The following CSMD1 variants were observed in gnomAD, a reference collection of about 807,000 sequenced individuals.
The protein encoded by CSMD1 is CUB and sushi domain-containing protein 1.
In CSMD1, 213 loss-of-function variants were observed where a neutral mutation model predicts 417.5. The observed-to-expected ratio is 0.51, with a 90% CI of 0.46 to 0.57. CSMD1 has a LOEUF of 0.57. Ranked by LOEUF, CSMD1 falls within the 20% of genes least tolerant of loss-of-function variation. CSMD1 has a pLI of 0.00. For synonymous variants in CSMD1, 2,862 were observed against 1,736.8 expected (o/e 1.65, Z -16.11); for missense variants, 6,923 against 4,529.7 (o/e 1.53, Z -15.17).
intron 1 of CSMD1, among the ~76,000 whole-genome samples, chr8:4,990,868 C>T (rs1425365493): frequency 1.3e-5 from 2 of 152,086 alleles, no homozygotes; most frequent in Non-Finnish European, 2.9e-5. Flanking sequence ...TGGGAGGGCG[C>T]ACCTCTCTCG....
chr8:4,125,032 C>T (rs1488804477), intron 3 of CSMD1, among the ~76,000 whole-genome samples: 1 of 152,018 alleles, frequency 6.6e-6, no homozygotes. Context: ...TCTTGGGGTC[C>T]GCACGTTTCT....
chr8:4,106,075 G>A (rs1191555896), intron 3 of CSMD1, among the ~76,000 whole-genome samples: 1 of 152,220 alleles, frequency 6.6e-6, no homozygotes, highest in African/African-American at 2.4e-5. Context: ...AGGAGAAAGA[G>A]CTATGTAGAG....
intron 5 of CSMD1, among the ~76,000 whole-genome samples, chr8:3,858,960 A>G (rs1214830809): frequency 1.3e-5 from 2 of 152,222 alleles, no homozygotes; most frequent in Non-Finnish European, 2.9e-5. Context: ...AAGCAGAATT[A>G]AAGTATAACG....
intron 3 of CSMD1, among the ~76,000 whole-genome samples, chr8:4,378,934 A>T (rs1802924567): frequency 6.6e-6 from 1 of 152,196 alleles, no homozygotes; most frequent in Non-Finnish European, 1.5e-5. Flanking sequence ...TGGAATTGTG[A>T]TAAATTCCTA....
At chr8:4,218,756 C>T (rs1361133088) in intron 3 of CSMD1, among the ~76,000 whole-genome samples, 1 of 152,188 alleles carries the variant, frequency 6.6e-6, no homozygotes, top group Non-Finnish European at 1.5e-5. Flanking sequence ...CTGTTTTCAT[C>T]AGTCTCTTGA....
intron 5 of CSMD1, among the ~76,000 whole-genome samples, chr8:3,834,617 C>T (rs1258950795): frequency 3.3e-5 from 5 of 152,122 alleles, no homozygotes; most frequent in Admixed American, 3.3e-4. Flanking sequence ...TAATACGTTT[C>T]AGAGAGTTCT....
intron 55 of CSMD1, among the ~76,000 whole-genome samples, chr8:2,976,025 A>C (rs190338786): frequency 6.6e-6 from 1 of 152,336 alleles, no homozygotes; most frequent in Non-Finnish European, 1.5e-5. Context: ...CCATGTGTGA[A>C]AGCAAGGAAG....
intron 5 of CSMD1, among the ~76,000 whole-genome samples, chr8:3,943,869 G>T (rs181502410): frequency 6.6e-6 from 1 of 152,096 alleles, no homozygotes; most frequent in Non-Finnish European, 1.5e-5. Context: ...TTAGGGAAAC[G>T]AAAGAGACAT....
intron 50 of CSMD1, among the ~76,000 whole-genome samples, chr8:3,033,238 A>T (rs1213267419): frequency 2.0e-5 from 3 of 152,106 alleles, no homozygotes; most frequent in Non-Finnish European, 2.9e-5. Context: ...TTTGATTTAG[A>T]TGCAAATTTC....
chr8:3,817,681 C>T (rs1358675725), intron 5 of CSMD1, among the ~76,000 whole-genome samples: 1 of 152,118 alleles, frequency 6.6e-6, no homozygotes. Flanking sequence ...TTTAATGGAA[C>T]TTTCCACTTC....
intron 3 of CSMD1, among the ~76,000 whole-genome samples, chr8:4,175,895 A>G (rs1262659416): frequency 2.0e-5 from 3 of 152,166 alleles, no homozygotes; most frequent in Non-Finnish European, 4.4e-5. Context: ...GTTGATTTCT[A>G]GTCCTAATTA....
At chr8:4,528,678 C>T (rs771320064) in intron 2 of CSMD1, among the ~76,000 whole-genome samples, 1 of 152,104 alleles carries the variant, frequency 6.6e-6, no homozygotes, top group African/African-American at 2.4e-5. Flanking sequence ...GTACACCCCA[C>T]AAACTCTCCA....
intron 3 of CSMD1, among the ~76,000 whole-genome samples, chr8:4,282,578 T>C (rs192534142): frequency 1.3e-5 from 2 of 152,356 alleles, no homozygotes; most frequent in Non-Finnish European, 2.9e-5. Context: ...TTATCTTAAA[T>C]GAATTGATCT....
chr8:4,665,729 T>C (rs1003222045), intron 1 of CSMD1, among the ~76,000 whole-genome samples: 8 of 152,242 alleles, frequency 5.3e-5, no homozygotes, highest in Admixed American at 5.2e-4. Context: ...TGCTCTATGG[T>C]ATGAATATTA....
intron 5 of CSMD1, among the ~76,000 whole-genome samples, chr8:3,755,264 G>A (rs570539726): frequency 6.6e-6 from 1 of 152,226 alleles, no homozygotes; most frequent in South Asian, 2.1e-4. Flanking sequence ...AACATAGGTG[G>A]ATCATGTTTA....
chr8:3,723,142 C>G (rs1244390425), intron 6 of CSMD1, among the ~76,000 whole-genome samples: 1 of 152,096 alleles, frequency 6.6e-6, no homozygotes, highest in Non-Finnish European at 1.5e-5. Flanking sequence ...GGTTCTAGGA[C>G]TGAGGTTCCC....
chr8:3,990,313 GA>G (rs1814648022), intron 5 of CSMD1, among the ~76,000 whole-genome samples: 1 of 152,132 alleles, frequency 6.6e-6, no homozygotes, highest in East Asian at 1.9e-4. Flanking sequence ...TCAATAAAAT[GA>G]GGTTAATTTG....
At chr8:3,978,348 G>T (rs926251140) in intron 5 of CSMD1, among the ~76,000 whole-genome samples, 1 of 152,070 alleles carries the variant, frequency 6.6e-6, no homozygotes, top group Non-Finnish European at 1.5e-5. Context: ...TTTTTGGTAA[G>T]CACATATAAT....
intron 2 of CSMD1, among the ~76,000 whole-genome samples, chr8:4,528,531 G>C (rs1563258956): frequency 6.6e-6 from 1 of 152,148 alleles, no homozygotes; most frequent in South Asian, 2.1e-4. Flanking sequence ...ATACTTTGCT[G>C]TGTACTTACA....
Sources: gnomAD v4.1 joint callset for allele counts (sites outside exome capture counted in the v4.1 genomes callset) on GRCh38, gnomAD v4.1.1 for gene constraint, MANE v1.5 for transcripts, NCBI Gene and HGNC (gene_info 2026-07-23, HGNC 2026-07-21) for gene names.